DOT1L: variants seen among roughly 807,000 people sequenced by gnomAD.
DOT1L encodes DOT1 like histone lysine methyltransferase, also known as histone-lysine N-methyltransferase, H3 lysine-79 specific.
A neutral mutation model predicts 153.3 loss-of-function variants in DOT1L; 33 were observed. That is an observed-to-expected ratio of 0.22 (90% CI 0.16 to 0.29). The LOEUF (loss-of-function observed/expected upper bound fraction) is 0.29, where lower values mean the gene tolerates loss of function less well. Ranked by LOEUF, DOT1L falls within the 10% of genes least tolerant of loss-of-function variation. DOT1L has a pLI of 1.00. For synonymous variants in DOT1L, 1,135 were observed against 965.1 expected (o/e 1.18, Z -3.26); for missense variants, 1,847 against 2,119.9 (o/e 0.87, Z 2.53).
intron 9 of DOT1L, among the ~76,000 whole-genome samples, chr19:2,203,973 T>A (rs955950607): frequency 6.6e-5 from 10 of 152,212 alleles, no homozygotes; most frequent in Admixed American, 6.5e-5. Context: ...TAGGGAGGCC[T>A]CCAGAGGCTA....
Position 2,202,683 on chromosome 19 carries a change from G to A in DOT1L, c.708-17G>A. The A allele has an allele frequency of 6.2e-7, 1 of 1,613,212 alleles. No homozygotes were observed. Among genetic ancestry groups the A allele is most frequent in the Non-Finnish European group, 8.5e-7 (1 of 1,179,152 alleles). On this transcript the variant is annotated splice_polypyrimidine_tract_variant and intron_variant, in intron 8 of 27. Transcript: ENST00000398665. ...AGACGAGCCTTCATGGCACTGAACTGGAGTATTGTTTTGCAGTGTTATATT... is the reference window on the plus strand; with the variant it reads ...AGACGAGCCTTCATGGCACTGAACTAGAGTATTGTTTTGCAGTGTTATATT...
chr19:2,229,858 T>C lies in DOT1L; in HGVS notation c.*66T>C. 2.5e-6 allele frequency: 4 copies of C among 1,611,406 alleles called. No homozygotes were observed. The Admixed American group carries it at 5.0e-5, about 20-fold the overall frequency. Reference sequence around the variant, plus strand: ...GGACCAACTCGCGCCCGCGGCATGGTGCCCGCCGGCCTGCCGGGCTCCCAC... The same window carrying C: ...GGACCAACTCGCGCCCGCGGCATGGCGCCCGCCGGCCTGCCGGGCTCCCAC... On this transcript the variant is annotated 3_prime_UTR_variant, in exon 28 of 28. Transcript: ENST00000398665.
At chr19:2,214,253 C>T (rs2023821164) in intron 18 of DOT1L, 8 of 879,140 alleles carry the variant, frequency 9.1e-6, no homozygotes, top group Non-Finnish European at 1.4e-5. Flanking sequence ...GAGCATCCCA[C>T]CATCGTGGTG....
Position 2,213,547 on chromosome 19 carries a change from C to A in DOT1L, c.1566C>A (p.Asn522Lys). ...CCCTGTTTGTCCTACAGGAGAAGAA[C>A]GCCCAGCTCCTGGGTGCGGCTCAGC... Reference protein sequence around the residue: ...QELLGQEKEKNAQLLGAAQQL... With the variant: ...QELLGQEKEKKAQLLGAAQQL... Residue 522 changes from asparagine (N) to lysine (K), a missense_variant, in exon 17 of 28, where the codon AAC (asparagine) becomes AAA (lysine). Physicochemically the swap from Asn to Lys is moderately conservative, Grantham distance 94. Coordinates refer to ENST00000398665, the MANE Select transcript of DOT1L (RefSeq NM_032482.3). 1.2e-6 allele frequency: 2 copies of A among 1,612,740 alleles called. No individual in the cohort carries two copies. Among genetic ancestry groups the A allele is most frequent in the Non-Finnish European group, 1.7e-6 (2 of 1,179,926 alleles).
rs1181649207 is a variant in DOT1L, at chr19:2,189,767, A to G, written c.236A>G (p.Asn79Ser). The change falls in exon 4 of 28, where the codon AAC becomes AGC. Residue 79 changes from asparagine to serine, a missense_variant. Physicochemically the swap from Asn to Ser is conservative, Grantham distance 46. Coordinates refer to ENST00000398665, the MANE Select transcript of DOT1L (RefSeq NM_032482.3). Reference protein sequence around the residue: ...ESMQRLCDKYNRAIDSIHQLW... With the variant: ...ESMQRLCDKYSRAIDSIHQLW... Reference sequence around the variant, plus strand: ...ATGCAGAGGCTCTGCGACAAGTACAACCGTGCCATCGACAGCATCCACCAG... The same window carrying G: ...ATGCAGAGGCTCTGCGACAAGTACAGCCGTGCCATCGACAGCATCCACCAG... 5 of 1,611,886 alleles carry G rather than the reference A, an allele frequency of 3.1e-6. No individual in the cohort carries two copies. Among genetic ancestry groups the G allele is most frequent in the Admixed American group, 1.7e-5 (1 of 60,022 alleles).
chr19:2,229,816 C>T lies in DOT1L; in HGVS notation c.*24C>T. On this transcript the variant is annotated 3_prime_UTR_variant, in exon 28 of 28. Coordinates refer to ENST00000398665, the MANE Select transcript of DOT1L (RefSeq NM_032482.3). ...AGGATTTCTACCTCAACCGCGAGAC[C>T]TATGCAAGGACGGTGTGGACCAACT... 2 of 1,613,190 alleles carry T rather than the reference C, an allele frequency of 1.2e-6. No individual in the cohort carries two copies. Among genetic ancestry groups the T allele is most frequent in the Non-Finnish European group, 1.7e-6 (2 of 1,179,930 alleles).
chr19:2,220,462 T>G lies in DOT1L; in HGVS notation c.2806+240T>G, dbSNP rs781329072. 2 of 627,424 alleles carry G rather than the reference T, an allele frequency of 3.2e-6. No homozygotes were observed. Among genetic ancestry groups the G allele is most frequent in the South Asian group, 1.5e-5 (1 of 66,068 alleles). The allele number at this position is 627,424 out of a possible 1,614,324, so 38.9% of individuals were successfully genotyped here. ...TGGGTCTCCCGACACTGACACCTCCTGCTTGGGTGTATTAATTCAGCCCGT... is the reference window on the plus strand; with the variant it reads ...TGGGTCTCCCGACACTGACACCTCCGGCTTGGGTGTATTAATTCAGCCCGT... On this transcript the variant is annotated intron_variant, in intron 23 of 27. Coordinates refer to ENST00000398665, the MANE Select transcript of DOT1L (RefSeq NM_032482.3). The surrounding 1 kb of genome is among the most constrained non-coding windows in gnomAD (Gnocchi z 4.5).
intron 27 of DOT1L, 117 bp from the exon 28 acceptor site, chr19:2,229,667 TG>T: frequency 8.1e-6 from 13 of 1,599,944 alleles, no homozygotes; most frequent in Non-Finnish European, 1.1e-5. Flanking sequence ...GTCATGGTGC[TG>T]GCCCCAGGTG....
chr19:2,187,815 A>C (rs553367264), intron 3 of DOT1L, among the ~76,000 whole-genome samples: 1 of 151,470 alleles, frequency 6.6e-6, no homozygotes, highest in African/African-American at 2.4e-5. Flanking sequence ...CCAGTTAGTC[A>C]GGAGGCTGAG....
At position 2,217,759 on chromosome 19, in the gene DOT1L, C is replaced by T. The variant is rs372863772; in HGVS notation, c.2545-13C>T. 72 of 1,594,370 alleles carry T rather than the reference C, an allele frequency of 4.5e-5. No homozygotes were observed. Among genetic ancestry groups the T allele is most frequent in the Non-Finnish European group, 5.7e-5 (67 of 1,171,692 alleles). ...TGTTGACCCACGACTGGGGGTCGGG[C>T]CTTCGTCTGCAGGGCCTGAGAGAGC... is the stretch of plus-strand genomic sequence containing the variant. On this transcript the variant is annotated splice_polypyrimidine_tract_variant and intron_variant, in intron 21 of 27. Coordinates refer to ENST00000398665, the MANE Select transcript of DOT1L (RefSeq NM_032482.3). The surrounding 1 kb of genome is among the most constrained non-coding windows in gnomAD (Gnocchi z 7.3).
At chr19:2,170,648 G>A (rs2021565952) in intron 1 of DOT1L, among the ~76,000 whole-genome samples, 1 of 152,146 alleles carries the variant, frequency 6.6e-6, no homozygotes, top group African/African-American at 2.4e-5. Context: ...GCCTCACGTT[G>A]TGACCTGTGC....
rs529136234 is a variant in DOT1L at position 2,193,956 on chromosome 19, C to A, written c.588+173C>A. Among the ~76,000 whole-genome samples, 12 of 152,274 alleles carry A rather than the reference C, an allele frequency of 7.9e-5. No individual in the cohort carries two copies. The highest frequency in any genetic ancestry group is 6.5e-4 in the Admixed American group (10 of 15,310). ...TGTGCCTGTGAATAGGGTGCCCGAT[C>A]GCCCTCACGGCCCATTACAGGCCGG... is the stretch of plus-strand genomic sequence containing the variant. On this transcript the variant is annotated intron_variant, in intron 6 of 27. Coordinates refer to ENST00000398665, the MANE Select transcript of DOT1L (RefSeq NM_032482.3). This position sits in a 1 kb window ranked among gnomAD's most constrained non-coding sequence, Gnocchi z 5.9.
chr19:2,169,820 T>C (rs2020059043), intron 1 of DOT1L, among the ~76,000 whole-genome samples: 1 of 152,178 alleles, frequency 6.6e-6, no homozygotes, highest in East Asian at 1.9e-4. Context: ...AGCTCGACAG[T>C]GTGAATCTAC....
At chr19:2,171,948 G>A (rs920713844) in intron 1 of DOT1L, among the ~76,000 whole-genome samples, 1 of 152,196 alleles carries the variant, frequency 6.6e-6, no homozygotes. Flanking sequence ...GTGATTGCCC[G>A]GCTCCACGTC....
chr19:2,199,394 C>T (rs542171497), intron 7 of DOT1L, among the ~76,000 whole-genome samples: 41 of 152,338 alleles, frequency 2.7e-4, no homozygotes, highest in African/African-American at 8.4e-4. Context: ...CTCAGCCTGG[C>T]CGAGTGTCGC....
intron 19 of DOT1L, chr19:2,216,054 GA>G: frequency 1.9e-6 from 1 of 531,338 alleles, no homozygotes; most frequent in Non-Finnish European, 3.3e-6. Context: ...TCTTTTTGAA[GA>G]AGGTGCTTCC....
intron 8 of DOT1L, among the ~76,000 whole-genome samples, 198 bp from the exon 9 acceptor site, chr19:2,202,502 C>T (rs1338200128): frequency 6.6e-6 from 1 of 152,244 alleles, no homozygotes; most frequent in African/African-American, 2.4e-5. Flanking sequence ...TTTTTGGCCC[C>T]ACTCAGAAGA....
Position 2,194,460 on chromosome 19 carries a change from C to T in DOT1L, c.589-55C>T, listed in dbSNP as rs890264527. On this transcript the variant is annotated intron_variant, in intron 6 of 27. Coordinates refer to ENST00000398665, the MANE Select transcript of DOT1L (RefSeq NM_032482.3). ...TGCCGGGATTACAGGCGTGAGCCAC[C>T]GCGCCTGGCTTGCCCTGAGAGTTTG... 2.2e-5 allele frequency: 35 copies of T among 1,607,562 alleles called. 1 individual carries two copies. The East Asian group carries it at 2.2e-4, about 10-fold the overall frequency.
chr19:2,230,734 A>G lies in DOT1L; in HGVS notation c.*942A>G, dbSNP rs2024564180. On this transcript the variant is annotated 3_prime_UTR_variant, in exon 28 of 28. Coordinates refer to ENST00000398665, the MANE Select transcript of DOT1L (RefSeq NM_032482.3). ...ATGGTATAATGCACAGTGAAGAGGA[A>G]AGAAAAGCGAGGGGAAAAAACCTTA... 2.5e-6 allele frequency: 1 copy of G among 397,550 alleles called. No individual in the cohort carries two copies. The highest frequency in any genetic ancestry group is 4.4e-6 in the Non-Finnish European group (1 of 225,982). The allele number at this position is 397,550 out of a possible 1,614,324, so 24.6% of individuals were successfully genotyped here. A position where few individuals can be genotyped will look rare whatever the true frequency, so the allele number is the denominator to read the frequency against.
Sources: gnomAD v4.1 joint callset for allele counts (sites outside exome capture counted in the v4.1 genomes callset) on GRCh38, gnomAD v4.1.1 for gene constraint, Gnocchi (gnomAD v3.1) non-coding constraint, MANE v1.5 for transcripts, NCBI Gene and HGNC (gene_info 2026-07-23, HGNC 2026-07-21) for gene names.